DACH1: variants seen among roughly 807,000 people sequenced by gnomAD.
DACH1 encodes the protein dachshund homolog 1.
In DACH1, 12 loss-of-function variants were observed where a neutral mutation model predicts 54.2. The observed-to-expected ratio is 0.22, with a 90% confidence interval of 0.14 to 0.36. The LOEUF is 0.36. Among genes scored for constraint, DACH1 ranks in the 10% least tolerant of loss-of-function variants. The pLI is 1.00. For synonymous variants in DACH1, 386 were observed against 366.2 expected (o/e 1.05, Z -0.62); for missense variants, 805 against 929.8 (o/e 0.87, Z 1.75).
At chr13:71,522,298 G>C (rs1235467154) in intron 6 of DACH1, among the ~76,000 whole-genome samples, 1 of 152,130 alleles carries the variant, frequency 6.6e-6, no homozygotes, top group Admixed American at 6.6e-5. Context: ...TCCACATTGA[G>C]ATTCAGATCT....
At chr13:71,539,281 G>T (rs988812578) in intron 6 of DACH1, among the ~76,000 whole-genome samples, 1 of 151,840 alleles carries the variant, frequency 6.6e-6, no homozygotes, top group Non-Finnish European at 1.5e-5. Context: ...TTCATTGATG[G>T]GTGCTCTTGA....
At chr13:71,856,326 G>T (rs1446420066) in intron 1 of DACH1, among the ~76,000 whole-genome samples, 1 of 151,866 alleles carries the variant, frequency 6.6e-6, no homozygotes, top group Non-Finnish European at 1.5e-5. Context: ...CTGGCTACAA[G>T]TTCAAATCTG....
intron 1 of DACH1, among the ~76,000 whole-genome samples, chr13:71,773,115 A>G (rs1255769354): frequency 6.6e-6 from 1 of 151,832 alleles, no homozygotes; most frequent in Non-Finnish European, 1.5e-5. Context: ...GATAGATACT[A>G]TGTAATTCTT....
chr13:71,484,492 A>G (rs1451590323), intron 7 of DACH1, among the ~76,000 whole-genome samples: 1 of 152,084 alleles, frequency 6.6e-6, no homozygotes, highest in African/African-American at 2.4e-5. Flanking sequence ...TGGTTTTAAC[A>G]TATGTTTTAG....
intron 2 of DACH1, among the ~76,000 whole-genome samples, chr13:71,665,824 A>G (rs991954610): frequency 6.6e-6 from 1 of 152,144 alleles, no homozygotes; most frequent in African/African-American, 2.4e-5. Flanking sequence ...AACAAGATTT[A>G]TAATTATTTA....
At chr13:71,733,288 A>C (rs2137917881) in intron 1 of DACH1, among the ~76,000 whole-genome samples, 1 of 152,130 alleles carries the variant, frequency 6.6e-6, no homozygotes, top group Non-Finnish European at 1.5e-5. Context: ...CTGCCTCTTG[A>C]GTAGCTGGGA....
intron 3 of DACH1, among the ~76,000 whole-genome samples, chr13:71,613,584 G>C (rs996245973): frequency 6.6e-6 from 1 of 152,140 alleles, no homozygotes; most frequent in Non-Finnish European, 1.5e-5. Flanking sequence ...TTGAGTTATC[G>C]CACTGGCAAT....
chr13:71,675,217 G>A (rs373578338), intron 2 of DACH1: 2 of 1,574,676 alleles, frequency 1.3e-6, no homozygotes, highest in Non-Finnish European at 1.7e-6. Flanking sequence ...GCTCCGTGAA[G>A]TTAGACGTTA....
intron 1 of DACH1, among the ~76,000 whole-genome samples, chr13:71,765,330 A>G (rs1885574396): frequency 6.6e-6 from 1 of 152,080 alleles, no homozygotes; most frequent in South Asian, 2.1e-4. Context: ...CCCTTGAGGC[A>G]CTGTCACGTC....
rs562241535 is a variant in DACH1 at position 71,562,786 on chromosome 13, T to C, written c.1300-2831A>G. On this transcript the variant is annotated intron_variant, in intron 4 of 10. Coordinates refer to ENST00000613252, the MANE Select transcript of DACH1 (RefSeq NM_080759.6). ...TTCTAATTATAATTACCCTAAACTATAAAGAAGTTTCAAATGGCAATATTC... is the reference window on the plus strand; with the variant it reads ...TTCTAATTATAATTACCCTAAACTACAAAGAAGTTTCAAATGGCAATATTC... 9.2e-5 allele frequency among the ~76,000 whole-genome samples: 14 copies of C among 152,188 alleles called. No homozygotes were observed. The East Asian group carries it at 2.3e-3, about 25-fold the overall frequency.
chr13:71,794,166 T>C (rs895885916), intron 1 of DACH1, among the ~76,000 whole-genome samples: 1 of 152,150 alleles, frequency 6.6e-6, no homozygotes, highest in African/African-American at 2.4e-5. Context: ...ATGCTCTCCG[T>C]CAACTCAACT....
chr13:71,691,580 G>T (rs1881478577), intron 1 of DACH1, among the ~76,000 whole-genome samples: 1 of 150,878 alleles, frequency 6.6e-6, no homozygotes, highest in Non-Finnish European at 1.5e-5. Flanking sequence ...AAAGTAAAAT[G>T]ACTTACCTAA....
At chr13:71,507,760 T>C (rs1305303008) in intron 6 of DACH1, among the ~76,000 whole-genome samples, 1 of 152,190 alleles carries the variant, frequency 6.6e-6, no homozygotes, top group Non-Finnish European at 1.5e-5. Context: ...AAGGTTTTAA[T>C]ATATGGAGAT....
intron 1 of DACH1, among the ~76,000 whole-genome samples, chr13:71,693,066 A>G (rs951172020): frequency 6.6e-6 from 1 of 152,076 alleles, no homozygotes; most frequent in African/African-American, 2.4e-5. Context: ...AATCAAAATT[A>G]TTGTCATATT....
chr13:71,600,804 C>G (rs61957831), intron 3 of DACH1, among the ~76,000 whole-genome samples: 20,862 of 151,986 alleles, frequency 0.14, 3,375 homozygotes, highest in African/African-American at 0.39. Context: ...ACTCAATCAT[C>G]AAAAGGTAAT....
At chr13:71,672,396 T>C (rs1028895411) in intron 2 of DACH1, among the ~76,000 whole-genome samples, 5 of 152,164 alleles carry the variant, frequency 3.3e-5, no homozygotes, top group Non-Finnish European at 5.9e-5. Context: ...GAAATGTTGT[T>C]CCTGCCAACC....
intron 10 of DACH1, among the ~76,000 whole-genome samples, chr13:71,455,479 T>G (rs1875482754): frequency 6.6e-6 from 1 of 152,168 alleles, no homozygotes; most frequent in African/African-American, 2.4e-5. Context: ...CAGATTTTCC[T>G]TAAAGAGCAA....
At chr13:71,592,494 C>CAAAAAAAAAAAAAA (rs575364116) in intron 3 of DACH1, among the ~76,000 whole-genome samples, 31 of 32,694 alleles carry the variant, frequency 9.5e-4, no homozygotes, top group East Asian at 1.6e-3. Context: ...GACTCTATCT[C>CAAAAAAAAAAAAAA]AAAAAAAAAA....
chr13:71,621,864 G>A (rs1377953529), intron 3 of DACH1, among the ~76,000 whole-genome samples: 1 of 151,996 alleles, frequency 6.6e-6, no homozygotes, highest in Non-Finnish European at 1.5e-5. Flanking sequence ...TGCACATACT[G>A]TTTTAATAAC....
Sources: allele counts gnomAD v4.1 joint callset (sites outside exome capture counted in the v4.1 genomes callset), GRCh38; gene constraint gnomAD v4.1.1; transcripts MANE v1.5; gene names NCBI Gene and HGNC (gene_info 2026-07-23, HGNC 2026-07-21).